The following ABCA9 variants were observed in gnomAD, a reference collection of about 807,000 sequenced individuals.
ABCA9 encodes ATP-binding cassette sub-family A member 9.
In ABCA9, 183 loss-of-function variants were observed where a neutral mutation model predicts 205.3. That is an observed-to-expected ratio of 0.89 (90% CI 0.79 to 1.01). The LOEUF is 1.01. Among genes scored for constraint, ABCA9 ranks in the 50% least tolerant of loss-of-function variants. The probability of loss-of-function intolerance (pLI) is 0.00; values close to 1 mark genes in which losing one functional copy is unlikely to be tolerated. For missense variants in ABCA9, 1,805 were observed against 1,912.4 expected (o/e 0.94, Z 1.05); for synonymous variants, 651 against 683.3 (o/e 0.95, Z 0.74).
rs192013523 is a variant in ABCA9 at position 69,021,133 on chromosome 17, A to G, written c.2402-547T>C. 3.1e-3 allele frequency among the ~76,000 whole-genome samples: 470 copies of G among 152,274 alleles called. 1 individual carries two copies. Among genetic ancestry groups the G allele is most frequent in the African/African-American group, 0.011 (449 of 41,584 alleles). ...AAATTTAGTATAACACTAAAAAAGT[A>G]ACAAGTATATAACTTCAAAAATGAA... On this transcript the variant is annotated intron_variant, in intron 18 of 38. Coordinates refer to ENST00000340001, the MANE Select transcript of ABCA9 (RefSeq NM_080283.4).
the ABCA9 span, among the ~76,000 whole-genome samples, chr17:69,070,682 G>A: frequency 5.9e-5 from 9 of 152,300 alleles, no homozygotes; most frequent in South Asian, 4.1e-4. Flanking sequence ...GGCAGACACC[G>A]AGCTAGCTGC....
intron 22 of ABCA9, 136 bp downstream of exon 22, chr17:69,016,117 T>TACAC (rs1318243946): frequency 3.6e-6 from 1 of 279,588 alleles, no homozygotes; most frequent in African/African-American, 2.5e-5. Flanking sequence ...TATATATATA[T>TACAC]ATATATACAC....
rs1250271253 is a variant in ABCA9 at position 68,975,736 on chromosome 17, T to A, written c.*179A>T. On this transcript the variant is annotated 3_prime_UTR_variant, in exon 39 of 39. Coordinates refer to ENST00000340001, the MANE Select transcript of ABCA9 (RefSeq NM_080283.4). ...CATGGTATGGCTTAGGCTTATGCCC[T>A]ATGATCGCCCTCACTGACATCGCCT... The A allele has an allele frequency of 3.4e-6, 2 of 590,310 alleles. No homozygotes were observed. Among genetic ancestry groups the A allele is most frequent in the African/African-American group, 1.9e-5 (1 of 53,554 alleles). The allele number at this position is 590,310 out of a possible 1,614,324, so 36.6% of individuals were successfully genotyped here.
At chr17:69,013,864 A>AG (rs2070477971) in intron 22 of ABCA9, among the ~76,000 whole-genome samples, 11 of 152,256 alleles carry the variant, frequency 7.2e-5, no homozygotes, top group Middle Eastern at 6.8e-3. Context: ...ATAGGCTTAC[A>AG]AAATTGTAAC....
chr17:69,051,728 T>A (rs1467471157), intron 1 of ABCA9: 1 of 152,018 alleles, frequency 6.6e-6, no homozygotes, highest in Non-Finnish European at 1.5e-5. Context: ...CACACACCCA[T>A]CCACATGAAG....
At chr17:69,012,864 A>C (rs2070433970) in intron 22 of ABCA9, among the ~76,000 whole-genome samples, 1 of 152,070 alleles carries the variant, frequency 6.6e-6, no homozygotes, top group Non-Finnish European at 1.5e-5. Flanking sequence ...GTACCTATTA[A>C]CCATTCCCAC....
Position 68,986,299 on chromosome 17 carries a change from C to T in ABCA9, c.4073G>A (p.Gly1358Glu), listed in dbSNP as rs201537420. Reference sequence around the variant, plus strand: ...GTACCCCAGGAAGCCCAGGGGTTCCCCTCCACCGCTCCCTTTCAAAATCAC... The same window carrying T: ...GTACCCCAGGAAGCCCAGGGGTTCCTCTCCACCGCTCCCTTTCAAAATCAC... ...GQVILKGSGG[G>E]EPLGFLGYCP... The change falls in exon 32 of 39, where the codon GGG (glycine) becomes GAG (glutamate). Residue 1358 changes from glycine (G) to glutamate (E), a missense_variant. Gly to Glu is a moderately conservative substitution (Grantham distance 98). Transcript: ENST00000340001. The T allele has an allele frequency of 2.5e-6, 4 of 1,610,422 alleles. No individual in the cohort carries two copies. Among genetic ancestry groups the T allele is most frequent in the Non-Finnish European group, 3.4e-6 (4 of 1,178,754 alleles).
At chr17:69,015,969 TTGTGTGTGTGTG>T (rs3046825) in intron 22 of ABCA9, among the ~76,000 whole-genome samples, 2 of 148,048 alleles carry the variant, frequency 1.4e-5, no homozygotes, top group Non-Finnish European at 3.0e-5. Flanking sequence ...CAATTCTAAA[TTGTGTGTGTGTG>T]TGTGTGTGTG....
At chr17:69,062,697 G>A (rs1172204045), upstream of ABCA9, among the ~76,000 whole-genome samples, 1 of 151,998 alleles carries the variant, frequency 6.6e-6, no homozygotes, top group Non-Finnish European at 1.5e-5. Context: ...GTTTTTAGTA[G>A]AGAAGGGGTT....
intron 34 of ABCA9, 109 bp from the exon 35 acceptor site, chr17:68,984,284 A>G: frequency 1.3e-6 from 2 of 1,489,718 alleles, no homozygotes; most frequent in East Asian, 4.6e-5. Flanking sequence ...GCGAATTCAG[A>G]CTAGACAAAA....
intron 1 of ABCA9, among the ~76,000 whole-genome samples, chr17:69,052,272 G>A (rs1279742614): frequency 6.6e-6 from 1 of 152,140 alleles, no homozygotes; most frequent in African/African-American, 2.4e-5. Flanking sequence ...CTACTTGGGA[G>A]GTTGAGGCAG....
intron 4 of ABCA9, 146 bp from the exon 5 acceptor site, chr17:69,044,746 C>G: frequency 1.6e-6 from 1 of 617,836 alleles, no homozygotes; most frequent in Non-Finnish European, 2.8e-6. Context: ...AGAGCACACC[C>G]AAACGGAATA....
In ABCA9 at chr17:68,975,911, A is replaced by G. The variant is rs1324497111; in HGVS notation, c.*4T>C. On this transcript the variant is annotated 3_prime_UTR_variant, in exon 39 of 39. Transcript: ENST00000340001. Reference sequence around the variant, plus strand: ...TTAAAGAAAGATATAGGGTATTTGGAGCTTTAAGGCTCTTCCTGCAGGAGG... The same window carrying G: ...TTAAAGAAAGATATAGGGTATTTGGGGCTTTAAGGCTCTTCCTGCAGGAGG... 6.2e-7 allele frequency: 1 copy of G among 1,605,934 alleles called. No homozygotes were observed. Among genetic ancestry groups the G allele is most frequent in the Non-Finnish European group, 8.5e-7 (1 of 1,174,342 alleles).
In ABCA9 at chr17:69,015,155, A is replaced by C. The variant is rs563182694; in HGVS notation, c.3039+1098T>G. 6.3e-4 allele frequency among the ~76,000 whole-genome samples: 94 copies of C among 148,932 alleles called. 1 individual carries two copies. The highest frequency in any genetic ancestry group is 3.4e-3 in the Middle Eastern group (1 of 294). ...AGAGCTAGGACACCCTCCCTTTTCTATTCCATGTGTTAGACTGCAAAGGGA... is the reference window on the plus strand; with the variant it reads ...AGAGCTAGGACACCCTCCCTTTTCTCTTCCATGTGTTAGACTGCAAAGGGA... On this transcript the variant is annotated intron_variant, in intron 22 of 38. Coordinates refer to ENST00000340001, the MANE Select transcript of ABCA9 (RefSeq NM_080283.4).
Position 68,990,966 on chromosome 17 carries a change from A to G in ABCA9, c.3717-9T>C. On this transcript the variant is annotated splice_polypyrimidine_tract_variant and intron_variant, in intron 28 of 38. Coordinates refer to ENST00000340001, the MANE Select transcript of ABCA9 (RefSeq NM_080283.4). The stretch of plus-strand genomic sequence containing the variant: ...TGCTTCTTGGAGAAATTCTGAAATC[A>G]AAACAGTGTGATAATGATAAACTTC... 6.2e-7 allele frequency: 1 copy of G among 1,604,044 alleles called. No individual in the cohort carries two copies. The highest frequency in any genetic ancestry group is 1.1e-5 in the South Asian group (1 of 89,082).
At chr17:68,976,543 T>C (rs2068898040) in intron 37 of ABCA9, among the ~76,000 whole-genome samples, 1 of 152,222 alleles carries the variant, frequency 6.6e-6, no homozygotes, top group Admixed American at 6.5e-5. Context: ...ATGTAACAGA[T>C]GTCTTCTGGT....
rs765240314 is a variant in ABCA9, at chr17:68,984,134, G to T, written c.4421C>A (p.Ala1474Asp). ...TGCCATGTAGTGGGTGGTCAGGAGG[G>T]CGCCCCTCTCCGTGTTTCTAAAGGT... ...RATFRNTERGALLTTHYMAEA... is the reference protein window; with the variant it reads ...RATFRNTERGDLLTTHYMAEA... Residue 1474 changes from alanine to aspartate, a missense_variant, in exon 35 of 39, where the codon GCC becomes GAC. Transcript: ENST00000340001. 47 of 1,614,070 alleles carry T rather than the reference G, an allele frequency of 2.9e-5. No homozygotes were observed. The highest frequency in any genetic ancestry group is 4.0e-5 in the Non-Finnish European group (47 of 1,180,046).
At chr17:69,032,008 A>C (rs2144366290) in intron 10 of ABCA9, 100 bp downstream of exon 10, 1 of 1,142,722 alleles carries the variant, frequency 8.8e-7, no homozygotes, top group African/African-American at 1.5e-5. Context: ...AGGTGGGTAC[A>C]GAGGGCACAG....
chr17:69,068,320 T>A, the ABCA9 span, among the ~76,000 whole-genome samples: 1 of 152,216 alleles, frequency 6.6e-6, no homozygotes, highest in Non-Finnish European at 1.5e-5. Flanking sequence ...AGCCAGTTAC[T>A]TTTCAATTTA....
Sources: allele counts gnomAD v4.1 joint callset (sites outside exome capture counted in the v4.1 genomes callset), GRCh38; gene constraint gnomAD v4.1.1; transcripts MANE v1.5; gene names NCBI Gene and HGNC (gene_info 2026-07-23, HGNC 2026-07-21).